SORCS3: variants seen among roughly 807,000 people sequenced by gnomAD.
SORCS3 encodes sortilin related VPS10 domain containing receptor 3.
In SORCS3, 57 loss-of-function variants were observed where a neutral mutation model predicts 146.3. That is an observed-to-expected ratio of 0.39 (90% CI 0.31 to 0.49). The LOEUF is 0.49. SORCS3 is among the 20% of genes least tolerant of loss of function. The probability of loss-of-function intolerance (pLI) is 0.92; values close to 1 mark genes in which losing one functional copy is unlikely to be tolerated. For synonymous variants in SORCS3, 653 were observed against 618.5 expected (o/e 1.06, Z -0.83); for missense variants, 1,341 against 1,575.5 (o/e 0.85, Z 2.52).
At chr10:104,697,884 C>G (rs544197742) in intron 1 of SORCS3, among the ~76,000 whole-genome samples, 1 of 152,258 alleles carries the variant, frequency 6.6e-6, no homozygotes, top group South Asian at 2.1e-4. Context: ...AGTGAGGGGT[C>G]TGGTTTAATG....
chr10:104,942,626 G>A (rs1168820357), intron 3 of SORCS3, among the ~76,000 whole-genome samples: 1 of 152,156 alleles, frequency 6.6e-6, no homozygotes, highest in African/African-American at 2.4e-5. Flanking sequence ...GGAATGCAAG[G>A]TCACTTTAAC....
intron 14 of SORCS3, among the ~76,000 whole-genome samples, chr10:105,192,275 C>G (rs2056521289): frequency 6.6e-6 from 1 of 151,990 alleles, no homozygotes; most frequent in Non-Finnish European, 1.5e-5. Context: ...CAATCAAAAC[C>G]TACTACCTGT....
chr10:105,067,131 A>G (rs1045487911), intron 5 of SORCS3, among the ~76,000 whole-genome samples: 4 of 152,180 alleles, frequency 2.6e-5, no homozygotes, highest in African/African-American at 9.7e-5. Flanking sequence ...TTTCTCTTCC[A>G]TCTTGAAAAA....
rs530258075 is a variant in SORCS3, at chr10:104,668,325, T to C, written c.627+26371T>C. Reference sequence around the variant, plus strand: ...CAGAACCATTTATGACGGGCACATGTAGAACTACTAAGTGCCTTTTTTTCC... The same window carrying C: ...CAGAACCATTTATGACGGGCACATGCAGAACTACTAAGTGCCTTTTTTTCC... On this transcript the variant is annotated intron_variant, in intron 1 of 26. Coordinates refer to ENST00000369701, the MANE Select transcript of SORCS3 (RefSeq NM_014978.3). Among the ~76,000 whole-genome samples the C allele has an allele frequency of 2.0e-5, 3 of 152,332 alleles. No homozygotes were observed. In the South Asian group the frequency reaches 6.2e-4, roughly 32 times the overall value.
At chr10:105,225,876 A>T (rs922793749) in intron 20 of SORCS3, among the ~76,000 whole-genome samples, 3 of 151,812 alleles carry the variant, frequency 2.0e-5, no homozygotes, top group Admixed American at 6.6e-5. Flanking sequence ...TTTTGTTTTA[A>T]TTGGTATGTA....
At chr10:105,255,649 G>C in intron 23 of SORCS3, 53 bp from the exon 24 acceptor site, 2 of 1,247,496 alleles carry the variant, frequency 1.6e-6, no homozygotes, top group Non-Finnish European at 2.4e-6. Context: ...TACCCCATGA[G>C]GGAGCATCAT....
chr10:104,816,333 G>A (rs760902455), intron 1 of SORCS3, among the ~76,000 whole-genome samples: 2 of 152,142 alleles, frequency 1.3e-5, no homozygotes, highest in Non-Finnish European at 2.9e-5. Flanking sequence ...CTGAAAGCAA[G>A]ATGCCAGGCC....
At chr10:104,670,927 T>C (rs1370614863) in intron 1 of SORCS3, among the ~76,000 whole-genome samples, 3 of 152,186 alleles carry the variant, frequency 2.0e-5, no homozygotes, top group Non-Finnish European at 4.4e-5. Flanking sequence ...TTTACTGCTA[T>C]TATAAATGAA....
At chr10:104,667,673 AC>A (rs2133254416) in intron 1 of SORCS3, among the ~76,000 whole-genome samples, 1 of 152,376 alleles carries the variant, frequency 6.6e-6, no homozygotes, top group Non-Finnish European at 1.5e-5. Flanking sequence ...TTAAAAGGGA[AC>A]AAAACCCCAG....
In SORCS3 at chr10:105,171,817, T is replaced by C. The variant is rs577847225; in HGVS notation, c.1901+4468T>C. 2.3e-3 allele frequency among the ~76,000 whole-genome samples: 349 copies of C among 152,268 alleles called. 3 individuals carry two copies. Among genetic ancestry groups the C allele is most frequent in the African/African-American group, 8.1e-3 (337 of 41,552 alleles). ...GAGGATTCTGATTGTTATTGGCAGA[T>C]TCTATTCCTTTTAGTTTATGTCATG... On this transcript the variant is annotated intron_variant, in intron 13 of 26. Coordinates refer to ENST00000369701, the MANE Select transcript of SORCS3 (RefSeq NM_014978.3).
At chr10:105,065,209 C>T (rs1165327542) in intron 5 of SORCS3, among the ~76,000 whole-genome samples, 1 of 152,074 alleles carries the variant, frequency 6.6e-6, no homozygotes, top group Non-Finnish European at 1.5e-5. Flanking sequence ...CCTCCTTGTG[C>T]ACTTCAGCTT....
chr10:105,032,519 T>G (rs533570146), intron 4 of SORCS3, among the ~76,000 whole-genome samples: 15 of 152,314 alleles, frequency 9.8e-5, no homozygotes, highest in Admixed American at 3.9e-4. Flanking sequence ...TTGAATGAAC[T>G]CAGATTTTCT....
At chr10:105,201,500 G>T (rs978985411) in intron 16 of SORCS3, among the ~76,000 whole-genome samples, 11 of 152,132 alleles carry the variant, frequency 7.2e-5, no homozygotes, top group African/African-American at 2.2e-4. Context: ...CTCTCAGGGG[G>T]CTTCTTCTCA....
chr10:105,222,520 G>A (rs970536644), intron 19 of SORCS3, among the ~76,000 whole-genome samples: 1 of 152,070 alleles, frequency 6.6e-6, no homozygotes, highest in Admixed American at 6.5e-5. Context: ...AAGAAGCTTG[G>A]TTACCTTTCT....
chr10:104,971,934 G>A (rs2054862923), intron 3 of SORCS3, among the ~76,000 whole-genome samples: 1 of 152,154 alleles, frequency 6.6e-6, no homozygotes, highest in Non-Finnish European at 1.5e-5. Flanking sequence ...TAATGGAAAA[G>A]TCTGAGTGTC....
intron 5 of SORCS3, among the ~76,000 whole-genome samples, chr10:105,067,050 C>T (rs1308155102): frequency 6.6e-6 from 1 of 152,158 alleles, no homozygotes; most frequent in East Asian, 1.9e-4. Flanking sequence ...AGGGGTTTTG[C>T]TTCATCCGTT....
chr10:105,137,945 A>G (rs2056069903), intron 7 of SORCS3, among the ~76,000 whole-genome samples: 1 of 150,064 alleles, frequency 6.7e-6, no homozygotes, highest in Non-Finnish European at 1.5e-5. Flanking sequence ...ATGATATTTT[A>G]TGCACTTGAG....
intron 2 of SORCS3, among the ~76,000 whole-genome samples, chr10:104,896,485 T>A (rs1435747112): frequency 6.6e-6 from 1 of 152,154 alleles, no homozygotes; most frequent in African/African-American, 2.4e-5. Flanking sequence ...ATTTAAAGTG[T>A]GAGTGCAGAT....
chr10:104,679,459 A>T (rs1030553256), intron 1 of SORCS3, among the ~76,000 whole-genome samples: 1 of 152,214 alleles, frequency 6.6e-6, no homozygotes, highest in Non-Finnish European at 1.5e-5. Context: ...TGAAGGAAAC[A>T]TACTCACAGA....
Sources: gnomAD v4.1 joint callset for allele counts (sites outside exome capture counted in the v4.1 genomes callset) on GRCh38, gnomAD v4.1.1 for gene constraint, MANE v1.5 for transcripts, NCBI Gene and HGNC (gene_info 2026-07-23, HGNC 2026-07-21) for gene names.